Variants in DLGAP2 observed in about 807,000 individuals in gnomAD.
The protein encoded by DLGAP2 is DLG associated protein 2.
Under a neutral mutation model 100.3 loss-of-function variants are expected in DLGAP2, and 26 were observed. The ratio of observed to expected loss-of-function variants is 0.26; its 90% CI spans 0.19 to 0.36. The LOEUF is 0.36. DLGAP2 is among the 10% of genes least tolerant of loss of function. The pLI is 1.00. For synonymous variants in DLGAP2, 886 were observed against 630.1 expected, an observed-to-expected ratio of 1.41 and a Z score of -6.08; for missense variants, 1,858 against 1,453.2, an observed-to-expected ratio of 1.28 and a Z score of -4.53.
intron 8 of DLGAP2, among the ~76,000 whole-genome samples, chr8:1,666,578 G>A (rs1211332646): frequency 6.6e-6 from 1 of 151,980 alleles, no homozygotes; most frequent in Admixed American, 6.6e-5. Context: ...TACTCGGGAG[G>A]CAGAGGCAGG....
At chr8:1,043,439 C>T (rs116429655) in intron 2 of DLGAP2, among the ~76,000 whole-genome samples, 1,931 of 148,066 alleles carry the variant, frequency 0.013, 36 homozygotes, top group African/African-American at 0.046. Flanking sequence ...ATGTGGCTCA[C>T]GGGTGGTGGA....
intron 8 of DLGAP2, among the ~76,000 whole-genome samples, chr8:1,635,055 A>G (rs1212848315): frequency 2.6e-5 from 4 of 152,228 alleles, no homozygotes; most frequent in African/African-American, 9.6e-5. Context: ...GAAAAGCACT[A>G]GGGGAAATAC....
At chr8:847,345 T>G (rs1797089511) in intron 1 of DLGAP2, among the ~76,000 whole-genome samples, 1 of 152,196 alleles carries the variant, frequency 6.6e-6, no homozygotes, top group Admixed American at 6.5e-5. Context: ...ATACCGGCTA[T>G]TAGTGTTTTA....
intron 1 of DLGAP2, among the ~76,000 whole-genome samples, chr8:872,291 A>G (rs1443192324): frequency 2.6e-5 from 4 of 151,854 alleles, no homozygotes; most frequent in Non-Finnish European, 5.9e-5. Flanking sequence ...AATGACAGCT[A>G]AAGTTCCTTT....
chr8:1,352,238 T>G lies in DLGAP2; in HGVS notation c.106+93355T>G, dbSNP rs13274606. Among the ~76,000 whole-genome samples the G allele has an allele frequency of 4.0e-3, 217 of 54,444 alleles. 7 individuals are homozygous for G. Among genetic ancestry groups the G allele is most frequent in the Non-Finnish European group, 4.6e-3 (123 of 26,498 alleles). The allele number at this position is 54,444 out of a possible 152,430, so 35.7% of individuals were successfully genotyped here. On this transcript the variant is annotated intron_variant, in intron 3 of 14. Transcript: ENST00000637795. ...AAGGCCGTGCGGGTCCTGACTGTGT[T>G]TGGAAAGGCCGTGTGGGTCCTGATC...
intron 2 of DLGAP2, among the ~76,000 whole-genome samples, chr8:913,687 C>T (rs1274714198): frequency 6.6e-6 from 1 of 152,212 alleles, no homozygotes; most frequent in African/African-American, 2.4e-5. Context: ...GTGCATTTTG[C>T]AGAAGAGAAA....
intron 6 of DLGAP2, among the ~76,000 whole-genome samples, chr8:1,608,640 G>GA (rs1796900143): frequency 7.5e-6 from 1 of 133,260 alleles, no homozygotes; most frequent in East Asian, 2.3e-4. Flanking sequence ...GGAAAACTTT[G>GA]AAAAAAATTT....
rs574090933 is a variant in DLGAP2, at chr8:1,667,955, T to C, written c.1811-374T>C. ...GCCTAGGTGTGTCTCCGCTGCTGGA[T>C]TTGTTGGTATTTTTAAATGACGCCA... On this transcript the variant is annotated intron_variant, in intron 8 of 14. Transcript: ENST00000637795. Among the ~76,000 whole-genome samples, 145 of 151,810 alleles carry C rather than the reference T, an allele frequency of 9.6e-4. 2 individuals carry two copies. In the South Asian group the frequency reaches 0.01, roughly 11 times the overall value.
intron 2 of DLGAP2, among the ~76,000 whole-genome samples, chr8:1,138,520 G>A (rs992718446): frequency 2.0e-5 from 3 of 152,222 alleles, no homozygotes; most frequent in African/African-American, 7.2e-5. Context: ...AGAGCAGGCT[G>A]GGGTGGGCTG....
At chr8:1,597,914 G>A (rs1433990467) in intron 6 of DLGAP2, among the ~76,000 whole-genome samples, 2 of 152,126 alleles carry the variant, frequency 1.3e-5, no homozygotes, top group Non-Finnish European at 1.5e-5. Context: ...TGTTGAATAG[G>A]AATGGTGAGA....
At chr8:1,254,840 C>G (rs915101838) in intron 2 of DLGAP2, among the ~76,000 whole-genome samples, 1 of 121,784 alleles carries the variant, frequency 8.2e-6, no homozygotes, top group East Asian at 2.1e-4. Context: ...CTGACTTTTC[C>G]TCCGTGGGCC....
intron 1 of DLGAP2, among the ~76,000 whole-genome samples, chr8:784,721 C>G (rs1821790290): frequency 6.6e-6 from 1 of 152,168 alleles, no homozygotes; most frequent in African/African-American, 2.4e-5. Context: ...GTTCCTAAAT[C>G]CGGGAAAGAC....
chr8:1,052,791 C>G (rs1802759589), intron 2 of DLGAP2, among the ~76,000 whole-genome samples: 5 of 152,076 alleles, frequency 3.3e-5, no homozygotes, highest in Admixed American at 3.3e-4. Flanking sequence ...ATAAGAGAGG[C>G]TGGGAGCATT....
chr8:778,664 G>T (rs998575672), intron 1 of DLGAP2, among the ~76,000 whole-genome samples: 1 of 152,208 alleles, frequency 6.6e-6, no homozygotes, highest in Non-Finnish European at 1.5e-5. Context: ...GGGGTCAGGG[G>T]TCAGGCACCC....
chr8:1,264,230 C>T (rs915764366), intron 3 of DLGAP2, among the ~76,000 whole-genome samples: 8 of 152,126 alleles, frequency 5.3e-5, no homozygotes, highest in South Asian at 2.1e-4. Flanking sequence ...GGGATCAGCA[C>T]GAGTTCCAGC....
chr8:1,673,162 G>C (rs948265936), intron 10 of DLGAP2, among the ~76,000 whole-genome samples: 2 of 152,126 alleles, frequency 1.3e-5, no homozygotes, highest in African/African-American at 4.8e-5. Context: ...GAGTGCAGTG[G>C]TGCAATCAAT....
intron 4 of DLGAP2, among the ~76,000 whole-genome samples, chr8:1,515,739 C>G (rs990932247): frequency 8.1e-6 from 1 of 123,650 alleles, no homozygotes; most frequent in Non-Finnish European, 1.8e-5. Context: ...CACACTCACA[C>G]ACTTGTATGC....
chr8:989,586 T>C (rs1800595169), intron 2 of DLGAP2, among the ~76,000 whole-genome samples: 1 of 152,134 alleles, frequency 6.6e-6, no homozygotes, highest in Non-Finnish European at 1.5e-5. Flanking sequence ...CTTCCTGCCC[T>C]GGGGTCAGGC....
intron 1 of DLGAP2, among the ~76,000 whole-genome samples, chr8:788,911 C>G (rs1192352253): frequency 6.6e-6 from 1 of 152,196 alleles, no homozygotes. Flanking sequence ...CCTTTAGCCT[C>G]AAGTGGGAAG....
Sources: gnomAD v4.1 joint callset for allele counts (sites outside exome capture counted in the v4.1 genomes callset) on GRCh38, gnomAD v4.1.1 for gene constraint, MANE v1.5 for transcripts, NCBI Gene and HGNC (gene_info 2026-07-23, HGNC 2026-07-21) for gene names.